The following SEC14L2 variants were observed in gnomAD, a reference collection of about 807,000 sequenced individuals.
The protein encoded by SEC14L2 is SEC14 like lipid binding 2.
SEC14L2 carries 50 observed loss-of-function variants against 56.9 expected under a neutral mutation model. The ratio of observed to expected loss-of-function variants is 0.88; its 90% CI spans 0.70 to 1.11. The LOEUF is 1.11. Ranked by LOEUF, SEC14L2 falls within the 50% of genes most tolerant of loss-of-function variation. The pLI is 0.00. For missense variants in SEC14L2, 414 were observed against 500.7 expected, an observed-to-expected ratio of 0.83 and a Z score of 1.65; for synonymous variants, 179 against 188.5, an observed-to-expected ratio of 0.95 and a Z score of 0.41.
intron 2 of SEC14L2, among the ~76,000 whole-genome samples, chr22:30,403,866 G>A (rs1489544331): frequency 5.9e-5 from 9 of 151,624 alleles, no homozygotes; most frequent in East Asian, 3.9e-4. Flanking sequence ...AGCCGGGTGC[G>A]GTGGCGGGCG....
chr22:30,418,749 A>G (rs1339922680), intron 11 of SEC14L2, among the ~76,000 whole-genome samples: 1 of 152,216 alleles, frequency 6.6e-6, no homozygotes, highest in Non-Finnish European at 1.5e-5. Flanking sequence ...CTAAGGTTAG[A>G]TGTGAGCCCA....
At chr22:30,402,758 T>TA (rs1193657955) in intron 2 of SEC14L2, among the ~76,000 whole-genome samples, 3 of 146,860 alleles carry the variant, frequency 2.0e-5, no homozygotes, top group Admixed American at 6.8e-5. Flanking sequence ...TTTTTGTCCC[T>TA]AAAAAAAACC....
Position 30,407,396 on chromosome 22 carries a change from C to A in SEC14L2, c.235-19C>A. The A allele has an allele frequency of 6.2e-7, 1 of 1,609,270 alleles. No individual in the cohort carries two copies. Among genetic ancestry groups the A allele is most frequent in the Non-Finnish European group, 8.5e-7 (1 of 1,176,240 alleles). Reference sequence around the variant, plus strand: ...ATGGATGCCTGCTGACCAGGTGGCTCCTCTGTGTCTTTGCCCAGGTGATCC... The same window carrying A: ...ATGGATGCCTGCTGACCAGGTGGCTACTCTGTGTCTTTGCCCAGGTGATCC... On this transcript the variant is annotated intron_variant, in intron 4 of 11. Coordinates refer to ENST00000615189, the MANE Select transcript of SEC14L2 (RefSeq NM_012429.5).
intron 11 of SEC14L2, among the ~76,000 whole-genome samples, chr22:30,417,283 G>A (rs748706403): frequency 6.6e-6 from 1 of 152,222 alleles, no homozygotes; most frequent in Non-Finnish European, 1.5e-5. Context: ...TTATCTCTGG[G>A]ATGATAGGAT....
rs1934588224 is a variant in SEC14L2 at position 30,423,768 on chromosome 22, C to G, written c.*1361C>G. The G allele has an allele frequency of 6.6e-6, 1 of 152,352 alleles. No individual in the cohort carries two copies. The highest frequency in any genetic ancestry group is 1.5e-5 in the Non-Finnish European group (1 of 68,112). 9.4% of individuals were successfully genotyped at this position (152,352 alleles called of 1,614,324 possible). On this transcript the variant is annotated 3_prime_UTR_variant, in exon 12 of 12. Transcript: ENST00000615189. ...CTGCACGGGCCTCTGCCAGAACGCT[C>G]AGGACATCCCGGCCTGGGTTTACAA...
chr22:30,413,410 G>A (rs1490093931), intron 8 of SEC14L2, among the ~76,000 whole-genome samples: 2 of 152,064 alleles, frequency 1.3e-5, no homozygotes, highest in Non-Finnish European at 2.9e-5. Context: ...GGAGTGGAGG[G>A]AGAAAAGGCT....
intron 11 of SEC14L2, among the ~76,000 whole-genome samples, chr22:30,417,826 G>A (rs11913990): frequency 0.018 from 2,721 of 151,848 alleles, 90 homozygotes; most frequent in African/African-American, 0.063. Flanking sequence ...TTGTCTACAT[G>A]GTCACCCAAC....
chr22:30,401,532 G>T (rs1285429724), intron 2 of SEC14L2, among the ~76,000 whole-genome samples: 5 of 147,280 alleles, frequency 3.4e-5, no homozygotes, highest in African/African-American at 2.5e-5. Flanking sequence ...TATTTTTTTT[G>T]AGACAGAGTC....
At chr22:30,402,215 C>A (rs896823975) in intron 2 of SEC14L2, among the ~76,000 whole-genome samples, 16 of 152,162 alleles carry the variant, frequency 1.1e-4, no homozygotes, top group Admixed American at 3.3e-4. Context: ...AGGGCTGCAG[C>A]TAGAAGCAGG....
At chr22:30,413,175 C>G (rs2146032342) in intron 8 of SEC14L2, among the ~76,000 whole-genome samples, 1 of 152,278 alleles carries the variant, frequency 6.6e-6, no homozygotes, top group South Asian at 2.1e-4. Flanking sequence ...AGGCAGAACC[C>G]TGGGGAACAT....
At position 30,409,455 on chromosome 22, in the gene SEC14L2, C is replaced by A; in HGVS notation, c.549C>A (p.Pro183=). The A allele has an allele frequency of 1.2e-6, 2 of 1,614,096 alleles. No individual in the cohort carries two copies. The highest frequency in any genetic ancestry group is 1.7e-6 in the Non-Finnish European group (2 of 1,180,010). The change falls in exon 7 of 12, where the codon CCC becomes CCA. Residue 183 remains proline, a synonymous_variant. Transcript: ENST00000615189. ...TCTGCATGTTTGAGGAAAATTATCC[C>A]GAAACACTGAAGCGTCTTTTTGTTG... The part of the protein sequence containing the change: ...EFLCMFEENY[P]ETLKRLFVVK...
At position 30,424,961 on chromosome 22, in the gene SEC14L2, A is replaced by C. The variant is rs142377623; in HGVS notation, c.*2554A>C. On this transcript the variant is annotated 3_prime_UTR_variant, in exon 12 of 12. Transcript: ENST00000615189. ...AGTCTGGGGACATACTGATCCAGTT[A>C]AATGCGAGTGCTTCCTAGTTATACA... The C allele has an allele frequency of 2.6e-6, 1 of 387,990 alleles. No individual in the cohort carries two copies. The highest frequency in any genetic ancestry group is 2.1e-5 in the African/African-American group (1 of 48,126). The allele number at this position is 387,990 out of a possible 1,614,324, so 24.0% of individuals were successfully genotyped here. A position where few individuals can be genotyped will look rare whatever the true frequency, so the allele number is the denominator to read the frequency against.
intron 8 of SEC14L2, among the ~76,000 whole-genome samples, chr22:30,412,153 C>G (rs749455501): frequency 6.6e-6 from 1 of 152,106 alleles, no homozygotes; most frequent in African/African-American, 2.4e-5. Flanking sequence ...CTACAGGCCA[C>G]TGGGAATCAG....
chr22:30,421,830 T>G (rs1033391507), intron 11 of SEC14L2: 2 of 154,386 alleles, frequency 1.3e-5, no homozygotes, highest in Non-Finnish European at 1.4e-5. Flanking sequence ...ACTGCTGAAC[T>G]CGTAGAGTTG....
chr22:30,407,821 G>C (rs758328932), intron 5 of SEC14L2, among the ~76,000 whole-genome samples: 1 of 151,558 alleles, frequency 6.6e-6, no homozygotes, highest in Non-Finnish European at 1.5e-5. Context: ...CACCCACCTC[G>C]GACTCCCAAA....
intron 8 of SEC14L2, among the ~76,000 whole-genome samples, chr22:30,412,739 G>C: frequency 6.6e-6 from 1 of 150,760 alleles, no homozygotes. Context: ...TGGGAGGATC[G>C]CTTAGCCCAG....
At chr22:30,398,964 A>C in intron 1 of SEC14L2, 1 of 373,462 alleles carries the variant, frequency 2.7e-6, no homozygotes, top group Non-Finnish European at 5.6e-6. Context: ...TGGTGCCAAG[A>C]TCAGCGCTGA....
At position 30,422,322 on chromosome 22, in the gene SEC14L2, A is replaced by C. The variant is rs772757061; in HGVS notation, c.1127A>C (p.Lys376Thr). 12 of 1,614,082 alleles carry C rather than the reference A, an allele frequency of 7.4e-6. No homozygotes were observed. The highest frequency in any genetic ancestry group is 1.7e-5 in the Admixed American group (1 of 59,998). ...DNTYSFIHAK[K>T]VNFTVEVLLP... ...ACCTACAGCTTCATTCATGCCAAGA[A>C]GGTCAATTTCACTGTGGAGGTCCTG... The change falls in exon 12 of 12, where the codon AAG becomes ACG. Residue 376 changes from lysine to threonine, a missense_variant. Lys to Thr is a moderately conservative substitution (Grantham distance 78). Transcript: ENST00000615189.
intron 5 of SEC14L2, among the ~76,000 whole-genome samples, chr22:30,408,240 G>A (rs926633511): frequency 6.6e-6 from 1 of 152,178 alleles, no homozygotes; most frequent in African/African-American, 2.4e-5. Flanking sequence ...CCTTGAGCAA[G>A]TATTTGGGTA....
Sources: gnomAD v4.1 joint callset for allele counts (sites outside exome capture counted in the v4.1 genomes callset) on GRCh38, gnomAD v4.1.1 for gene constraint, MANE v1.5 for transcripts, NCBI Gene and HGNC (gene_info 2026-07-23, HGNC 2026-07-21) for gene names.